Variants in WASF2 observed in about 807,000 individuals in gnomAD.
The protein encoded by WASF2 is WASP family member 2.
Under a neutral mutation model 45.0 loss-of-function variants are expected in WASF2, and 14 were observed. That is an observed-to-expected ratio of 0.31 (90% confidence interval 0.21 to 0.49). The LOEUF (loss-of-function observed/expected upper bound fraction) is 0.49, where lower values mean the gene tolerates loss of function less well. WASF2 is among the 20% of genes least tolerant of loss of function. WASF2 has a pLI of 0.99. For missense variants in WASF2, 439 were observed against 636.1 expected (o/e 0.69, Z 3.33); for synonymous variants, 200 against 236.3 (o/e 0.85, Z 1.41).
chr1:27,475,691 A>C (rs1571163761), intron 1 of WASF2, among the ~76,000 whole-genome samples: 1 of 152,164 alleles, frequency 6.6e-6, no homozygotes, highest in South Asian at 2.1e-4. Flanking sequence ...GCAGTGGCAT[A>C]ATCTTGGCTC....
At chr1:27,487,187 G>A (rs551956357) in intron 1 of WASF2, among the ~76,000 whole-genome samples, 33 of 145,222 alleles carry the variant, frequency 2.3e-4, no homozygotes, top group African/African-American at 7.8e-4. Flanking sequence ...TGCAAACTCC[G>A]CCTCCCGGGT....
chr1:27,410,087 C>A lies in WASF2; in HGVS notation c.944G>T (p.Gly315Val), dbSNP rs1462259376. 1 of 1,613,186 alleles carries A rather than the reference C, an allele frequency of 6.2e-7. No homozygotes were observed. The highest frequency in any genetic ancestry group is 2.2e-5 in the East Asian group (1 of 44,856). ...CGGAGGGGCAGGTGGTGGAGCAAACCCGGGTTTAGGGCCTGGTGGAGAGCC... is the reference window on the plus strand; with the variant it reads ...CGGAGGGGCAGGTGGTGGAGCAAACACGGGTTTAGGGCCTGGTGGAGAGCC... Reference protein sequence around the residue: ...PLGSPPGPKPGFAPPPAPPPP... With the variant: ...PLGSPPGPKPVFAPPPAPPPP... Residue 315 changes from glycine (G) to valine (V), a missense_variant, in exon 8 of 9, where the codon GGG (glycine) becomes GTG (valine). Gly to Val is a moderately radical substitution (Grantham distance 109). Around this residue, in one of 5 missense-constraint regions of WASF2, gnomAD observed 286 missense variants for 373.5 expected, o/e 0.77. Transcript: ENST00000618852. The surrounding 1 kb of genome is among the most constrained non-coding windows in gnomAD (Gnocchi z 4.2).
At position 27,410,797 on chromosome 1, in the gene WASF2, T is replaced by C. The variant is rs2016751558; in HGVS notation, c.825-591A>G. 1.3e-5 allele frequency among the ~76,000 whole-genome samples: 2 copies of C among 152,124 alleles called. No individual in the cohort carries two copies. Among genetic ancestry groups the C allele is most frequent in the Non-Finnish European group, 2.9e-5 (2 of 68,030 alleles). ...CATGTGGGGAAATCTTGAGAGAGAATGAATCTCAATCCGAGAATCTGCAGA... is the reference window on the plus strand; with the variant it reads ...CATGTGGGGAAATCTTGAGAGAGAACGAATCTCAATCCGAGAATCTGCAGA... On this transcript the variant is annotated intron_variant, in intron 7 of 8. Coordinates refer to ENST00000618852, the MANE Select transcript of WASF2 (RefSeq NM_006990.5). The surrounding 1 kb of genome is among the most constrained non-coding windows in gnomAD (Gnocchi z 4.2).
chr1:27,461,926 T>C (rs562968279), intron 1 of WASF2, among the ~76,000 whole-genome samples: 1 of 151,800 alleles, frequency 6.6e-6, no homozygotes, highest in Admixed American at 6.6e-5. Context: ...CCTCCCAAAG[T>C]GTGGAGATTA....
At chr1:27,453,458 G>A (rs2017412528) in intron 1 of WASF2, among the ~76,000 whole-genome samples, 1 of 151,836 alleles carries the variant, frequency 6.6e-6, no homozygotes. Flanking sequence ...CAGGTGTGGT[G>A]GTGGACGCCT....
intron 1 of WASF2, among the ~76,000 whole-genome samples, chr1:27,472,957 G>A (rs2017711058): frequency 8.0e-6 from 1 of 124,430 alleles, no homozygotes; most frequent in East Asian, 2.5e-4. Flanking sequence ...GGGAGACACA[G>A]CAAGACCTTG....
intron 1 of WASF2, among the ~76,000 whole-genome samples, chr1:27,451,218 G>T (rs1310764231): frequency 1.3e-5 from 2 of 152,132 alleles, no homozygotes; most frequent in African/African-American, 4.8e-5. Flanking sequence ...TATAAATAAA[G>T]GGGACAATAA....
Position 27,461,546 on chromosome 1 carries a change from T to C in WASF2, c.-44+28440A>G, listed in dbSNP as rs565748215. ...CGACGGATCTTGGCTCACTGCAAGC[T>C]CCGCCTCCCGGGCTCACTCCATTCT... On this transcript the variant is annotated intron_variant, in intron 1 of 8. Coordinates refer to ENST00000618852, the MANE Select transcript of WASF2 (RefSeq NM_006990.5). 4.0e-5 allele frequency among the ~76,000 whole-genome samples: 6 copies of C among 150,582 alleles called. No individual in the cohort carries two copies. In the South Asian group the frequency reaches 1.3e-3, roughly 32 times the overall value.
intron 1 of WASF2, among the ~76,000 whole-genome samples, chr1:27,484,366 A>G (rs1180837298): frequency 1.3e-5 from 2 of 152,212 alleles, no homozygotes; most frequent in Non-Finnish European, 2.9e-5. Context: ...AGTTTCTCAT[A>G]TAGCATACAC....
At chr1:27,457,859 G>C (rs917202229) in intron 1 of WASF2, among the ~76,000 whole-genome samples, 1 of 151,930 alleles carries the variant, frequency 6.6e-6, no homozygotes, top group Non-Finnish European at 1.5e-5. Context: ...TGGGCCTCAA[G>C]CAATCCTCCC....
At chr1:27,417,564 G>A (rs185338050) in intron 4 of WASF2, among the ~76,000 whole-genome samples, 5 of 152,306 alleles carry the variant, frequency 3.3e-5, no homozygotes, top group Middle Eastern at 6.8e-3. Context: ...ATATATGGGT[G>A]TAAGCAAGAT....
At chr1:27,469,723 C>T (rs1371650061) in intron 1 of WASF2, among the ~76,000 whole-genome samples, 3 of 152,116 alleles carry the variant, frequency 2.0e-5, no homozygotes, top group Non-Finnish European at 4.4e-5. Context: ...TGGCAGATCA[C>T]CTGAGGTCAG....
chr1:27,478,275 C>CAAAAAAAAAA (rs765416697), intron 1 of WASF2, among the ~76,000 whole-genome samples: 1 of 49,948 alleles, frequency 2.0e-5, no homozygotes, highest in African/African-American at 7.3e-5. Context: ...AATAGCAAAG[C>CAAAAAAAAAA]AAAAAAAAAA....
chr1:27,473,901 T>A (rs2017728564), intron 1 of WASF2, among the ~76,000 whole-genome samples: 1 of 152,158 alleles, frequency 6.6e-6, no homozygotes, highest in African/African-American at 2.4e-5. Flanking sequence ...CAGGATGCCA[T>A]CCCATCAATC....
chr1:27,479,348 G>C (rs1472590618), intron 1 of WASF2, among the ~76,000 whole-genome samples: 2 of 151,776 alleles, frequency 1.3e-5, no homozygotes, highest in Admixed American at 1.3e-4. Flanking sequence ...CAGCACCTTC[G>C]AGGCTAAGGT....
intron 1 of WASF2, among the ~76,000 whole-genome samples, chr1:27,469,547 A>C (rs1271074875): frequency 6.6e-6 from 1 of 152,196 alleles, no homozygotes; most frequent in East Asian, 1.9e-4. Context: ...AGGCGCTAAC[A>C]TTGTAGAAGA....
intron 1 of WASF2, among the ~76,000 whole-genome samples, chr1:27,465,334 A>G (rs972956587): frequency 1.4e-4 from 21 of 152,348 alleles, no homozygotes; most frequent in African/African-American, 5.0e-4. Flanking sequence ...AGTCTAATTT[A>G]CATACAATTA....
chr1:27,489,902 G>A (rs1014608511), intron 1 of WASF2, 84 bp downstream of exon 1: 2 of 152,290 alleles, frequency 1.3e-5, no homozygotes, highest in East Asian at 1.9e-4. Context: ...CCAGTCCCCC[G>A]AGACCCTGCA....
chr1:27,412,131 T>C (rs1159623363), intron 7 of WASF2, among the ~76,000 whole-genome samples: 2 of 152,242 alleles, frequency 1.3e-5, no homozygotes, highest in African/African-American at 4.8e-5. Context: ...AAGCAACATA[T>C]ACATACAGTG....
Sources: allele counts gnomAD v4.1 joint callset (sites outside exome capture counted in the v4.1 genomes callset), GRCh38; gene constraint gnomAD v4.1.1; regional missense constraint gnomAD v4.1.1; non-coding constraint Gnocchi (gnomAD v3.1); transcripts MANE v1.5; gene names NCBI Gene and HGNC (gene_info 2026-07-23, HGNC 2026-07-21).